Variants in SMURF1 observed in about 807,000 individuals in gnomAD.
SMURF1 encodes the protein E3 ubiquitin-protein ligase SMURF1.
Under a neutral mutation model 98.0 loss-of-function variants are expected in SMURF1, and 44 were observed. That is an observed-to-expected ratio of 0.45 (90% confidence interval 0.35 to 0.58). The LOEUF (loss-of-function observed/expected upper bound fraction) is 0.58, where lower values mean the gene tolerates loss of function less well. SMURF1 is among the 20% of genes least tolerant of loss of function. The pLI is 0.00. For missense variants in SMURF1, 687 were observed against 938.4 expected (o/e 0.73, Z 3.50); for synonymous variants, 396 against 374.9 (o/e 1.06, Z -0.65).
intron 1 of SMURF1, among the ~76,000 whole-genome samples, chr7:99,096,327 G>A (rs1187779605): frequency 1.3e-5 from 2 of 152,162 alleles, no homozygotes; most frequent in East Asian, 3.8e-4. Context: ...GCTCAACTAG[G>A]TCAATGCCTG....
At chr7:99,135,805 T>C (rs1004425587) in intron 1 of SMURF1, among the ~76,000 whole-genome samples, 3 of 152,240 alleles carry the variant, frequency 2.0e-5, no homozygotes, top group Non-Finnish European at 1.5e-5. Context: ...TATGATCTGA[T>C]AGACAGTGCC....
chr7:99,072,773 AT>A (rs1467976688), intron 1 of SMURF1, among the ~76,000 whole-genome samples: 1 of 152,160 alleles, frequency 6.6e-6, no homozygotes, highest in Admixed American at 6.6e-5. Flanking sequence ...GTGCCTTATA[AT>A]TTCTTTCCTA....
At chr7:99,133,908 T>G (rs1189311912) in intron 1 of SMURF1, among the ~76,000 whole-genome samples, 1 of 152,122 alleles carries the variant, frequency 6.6e-6, no homozygotes, top group Non-Finnish European at 1.5e-5. Flanking sequence ...TTGCATGCAG[T>G]AAGATTCCAT....
At position 99,052,354 on chromosome 7, in the gene SMURF1, C is replaced by G. The variant is rs1795778496; in HGVS notation, c.572G>C (p.Gly191Ala). ...CTCCACGAACCTGCAATTCCCTCCT[C>G]CAGCAGCAGCACCGGTGCTATCTGT... ...PYTDSTGAAA[G>A]GGNCRFVESP... Residue 191 changes from glycine to alanine, a missense_variant, in exon 7 of 18, where the codon GGA (glycine) becomes GCA (alanine). Transcript: ENST00000361368. 6.2e-7 allele frequency: 1 copy of G among 1,612,544 alleles called. No individual in the cohort carries two copies. Among genetic ancestry groups the G allele is most frequent in the Non-Finnish European group, 8.5e-7 (1 of 1,179,316 alleles).
intron 16 of SMURF1, 71 bp from the exon 17 acceptor site, chr7:99,033,192 C>T (rs1562995060): frequency 8.8e-6 from 13 of 1,471,906 alleles, no homozygotes; most frequent in Non-Finnish European, 1.2e-5. Flanking sequence ...ACACAGCCCC[C>T]AGGAGCAGGG....
At chr7:99,130,814 G>A (rs1287261797) in intron 1 of SMURF1, among the ~76,000 whole-genome samples, 3 of 152,086 alleles carry the variant, frequency 2.0e-5, no homozygotes, top group Admixed American at 6.6e-5. Flanking sequence ...ATTGTGGGTG[G>A]GACTAACCCC....
intron 1 of SMURF1, among the ~76,000 whole-genome samples, chr7:99,086,940 T>C (rs1796693549): frequency 6.6e-6 from 1 of 152,202 alleles, no homozygotes; most frequent in South Asian, 2.1e-4. Flanking sequence ...TGCTGAAATA[T>C]GTGGGGTTTC....
At chr7:99,122,121 G>A (rs1789891992) in intron 1 of SMURF1, among the ~76,000 whole-genome samples, 1 of 152,086 alleles carries the variant, frequency 6.6e-6, no homozygotes, top group African/African-American at 2.4e-5. Flanking sequence ...CTGAGGTCAA[G>A]AGTTCGAGGC....
chr7:99,077,336 T>A (rs1057335255), intron 1 of SMURF1, among the ~76,000 whole-genome samples: 3 of 151,372 alleles, frequency 2.0e-5, no homozygotes, highest in Non-Finnish European at 4.4e-5. Flanking sequence ...TTTTTATTTT[T>A]TTTTATTTTT....
intron 1 of SMURF1, among the ~76,000 whole-genome samples, chr7:99,135,260 G>A (rs1797963131): frequency 6.6e-6 from 1 of 151,990 alleles, no homozygotes; most frequent in Non-Finnish European, 1.5e-5. Flanking sequence ...ATGCTCAAGG[G>A]GGTGAGAAAA....
chr7:99,035,880 G>T lies in SMURF1; in HGVS notation c.1810-164C>A, dbSNP rs555030160. The T allele has an allele frequency of 1.9e-5, 13 of 691,444 alleles. 1 individual carries two copies. The South Asian group carries it at 2.1e-4, about 11-fold the overall frequency. 42.8% of individuals were successfully genotyped at this position (691,444 alleles called of 1,614,324 possible). A position where few individuals can be genotyped will look rare whatever the true frequency, so the allele number is the denominator to read the frequency against. On this transcript the variant is annotated intron_variant, in intron 15 of 17. Transcript: ENST00000361368. The stretch of plus-strand genomic sequence containing the variant: ...ACAGGAAGAAAGCTACAAACAGGAG[G>T]CCTGTGGCACATGCTTCCGTCCGCC...
chr7:99,058,928 A>T (rs1795950765), intron 3 of SMURF1, among the ~76,000 whole-genome samples: 1 of 152,120 alleles, frequency 6.6e-6, no homozygotes, highest in Non-Finnish European at 1.5e-5. Flanking sequence ...TACTAAAAAT[A>T]TAAAAATTAG....
chr7:99,123,847 A>G (rs1232273013), intron 1 of SMURF1, among the ~76,000 whole-genome samples: 1 of 152,238 alleles, frequency 6.6e-6, no homozygotes, highest in African/African-American at 2.4e-5. Context: ...AAGCAGTTCA[A>G]CTTTAGTCCA....
At chr7:99,134,077 GAA>G (rs1310657587) in intron 1 of SMURF1, among the ~76,000 whole-genome samples, 1 of 146,774 alleles carries the variant, frequency 6.8e-6, no homozygotes, top group Non-Finnish European at 1.5e-5. Flanking sequence ...TCTAGATCAG[GAA>G]AAGTGCTTCT....
chr7:99,083,172 A>C (rs1796606470), intron 1 of SMURF1, among the ~76,000 whole-genome samples: 1 of 152,174 alleles, frequency 6.6e-6, no homozygotes, highest in South Asian at 2.1e-4. Context: ...ACTACACTAA[A>C]AACCACAGAA....
rs554902888 is a variant in SMURF1 at position 99,059,736 on chromosome 7, C to T, written c.203+863G>A. On this transcript the variant is annotated intron_variant, in intron 3 of 17. Transcript: ENST00000361368. ...CAGCCTGGCCAAGATGGTGAAACCC[C>T]GTCTCAACTAAAAATACAAAAATTA... Among the ~76,000 whole-genome samples, 4 of 151,670 alleles carry T rather than the reference C, an allele frequency of 2.6e-5. No homozygotes were observed. In the South Asian group the frequency reaches 6.2e-4, roughly 24 times the overall value.
chr7:99,073,897 C>G (rs550123634), intron 1 of SMURF1, among the ~76,000 whole-genome samples: 4 of 152,076 alleles, frequency 2.6e-5, no homozygotes, highest in Non-Finnish European at 4.4e-5. Context: ...CCTAATAGTT[C>G]TTTTATTGAT....
chr7:99,094,530 C>T (rs1472444458), intron 1 of SMURF1, among the ~76,000 whole-genome samples: 1 of 152,044 alleles, frequency 6.6e-6, no homozygotes, highest in Non-Finnish European at 1.5e-5. Flanking sequence ...GCTTCTGTAA[C>T]ACAGATGAGC....
At chr7:99,046,050 G>A (rs1315944967) in intron 10 of SMURF1, among the ~76,000 whole-genome samples, 1 of 152,022 alleles carries the variant, frequency 6.6e-6, no homozygotes, top group East Asian at 1.9e-4. Context: ...ACACGTGTCT[G>A]TTTTCAGTGA....
Sources: allele counts gnomAD v4.1 joint callset (sites outside exome capture counted in the v4.1 genomes callset), GRCh38; gene constraint gnomAD v4.1.1; transcripts MANE v1.5; gene names NCBI Gene and HGNC (gene_info 2026-07-23, HGNC 2026-07-21).